The following PDE4D variants were observed in gnomAD, a reference collection of about 807,000 sequenced individuals.
PDE4D encodes phosphodiesterase 4D.
In PDE4D, 24 loss-of-function variants were observed where a neutral mutation model predicts 87.4. That is an observed-to-expected ratio of 0.27 (90% confidence interval 0.20 to 0.39). The LOEUF is 0.39. Among genes scored for constraint, PDE4D ranks in the 10% least tolerant of loss-of-function variants. PDE4D has a pLI of 1.00. For synonymous variants in PDE4D, 384 were observed against 383.2 expected, an observed-to-expected ratio of 1.00 and a Z score of -0.02; for missense variants, 714 against 1,041.0, an observed-to-expected ratio of 0.69 and a Z score of 4.32.
At chr5:59,765,283 T>A (rs562046412) in intron 1 of PDE4D, among the ~76,000 whole-genome samples, 4 of 152,330 alleles carry the variant, frequency 2.6e-5, no homozygotes, top group African/African-American at 7.2e-5. Context: ...CAGAAGTGCT[T>A]CTGTATAATC....
chr5:59,333,205 A>G (rs1479854597), intron 1 of PDE4D, among the ~76,000 whole-genome samples: 2 of 152,166 alleles, frequency 1.3e-5, no homozygotes, highest in African/African-American at 4.8e-5. Context: ...AAGGAGGCAA[A>G]AGAGAATGAG....
chr5:60,116,644 T>A (rs1269100943), intron 2 of PDE4D, among the ~76,000 whole-genome samples: 2 of 152,052 alleles, frequency 1.3e-5, no homozygotes, highest in Admixed American at 1.3e-4. Flanking sequence ...TATTTCTTTA[T>A]GGGAAAATTC....
At chr5:59,393,081 G>A (rs1788565412) in intron 1 of PDE4D, among the ~76,000 whole-genome samples, 1 of 152,058 alleles carries the variant, frequency 6.6e-6, no homozygotes, top group Non-Finnish European at 1.5e-5. Flanking sequence ...TTTCTAGACT[G>A]GATAATTAGG....
At chr5:60,499,936 T>C (rs1749991177) in intron 1 of PDE4D, among the ~76,000 whole-genome samples, 1 of 152,250 alleles carries the variant, frequency 6.6e-6, no homozygotes, top group Non-Finnish European at 1.5e-5. Flanking sequence ...TTAATTGGTT[T>C]TGTTTCTTGA....
intron 1 of PDE4D, among the ~76,000 whole-genome samples, chr5:59,826,021 G>T (rs540524612): frequency 6.6e-6 from 1 of 152,168 alleles, no homozygotes; most frequent in Non-Finnish European, 1.5e-5. Context: ...TGAACCAAGG[G>T]ATGTCAAATT....
intron 1 of PDE4D, among the ~76,000 whole-genome samples, chr5:59,635,530 G>A (rs1832128500): frequency 1.3e-5 from 2 of 152,166 alleles, no homozygotes; most frequent in Non-Finnish European, 2.9e-5. Flanking sequence ...GCATTAAAAA[G>A]CTTATCCACC....
intron 2 of PDE4D, among the ~76,000 whole-genome samples, chr5:60,177,434 A>G (rs1162760985): frequency 3.3e-5 from 5 of 152,200 alleles, no homozygotes; most frequent in African/African-American, 1.2e-4. Context: ...GCAGCAAAAA[A>G]TTTAAATAAT....
intron 2 of PDE4D, among the ~76,000 whole-genome samples, chr5:60,114,122 C>T (rs1377622661): frequency 1.3e-5 from 2 of 152,094 alleles, no homozygotes; most frequent in Non-Finnish European, 2.9e-5. Context: ...CCACCCGATT[C>T]GGTGAATCTC....
At chr5:59,665,090 T>G (rs1209009221) in intron 1 of PDE4D, among the ~76,000 whole-genome samples, 1 of 152,220 alleles carries the variant, frequency 6.6e-6, no homozygotes, top group Non-Finnish European at 1.5e-5. Flanking sequence ...CAAATAAAGT[T>G]GCAATGTCTC....
intron 11 of PDE4D, among the ~76,000 whole-genome samples, chr5:58,984,334 C>T (rs1745920661): frequency 6.6e-6 from 1 of 152,210 alleles, no homozygotes; most frequent in African/African-American, 2.4e-5. Flanking sequence ...TATGCTCCAC[C>T]TTTTCTAGCA....
rs79722472 is a variant in PDE4D, at chr5:59,405,984, T to C, written c.456-190016A>G. 8.6e-3 allele frequency among the ~76,000 whole-genome samples: 1,317 copies of C among 152,286 alleles called. 24 individuals are homozygous for C. The highest frequency in any genetic ancestry group is 0.03 in the African/African-American group (1,260 of 41,546). ...AATGTTCATTGGGAGTATTGGCCTG[T>C]AGTTTTCTGTTTGCAATGTGCCTTT... is the stretch of plus-strand genomic sequence containing the variant. On this transcript the variant is annotated intron_variant, in intron 1 of 14. Coordinates refer to ENST00000340635, the MANE Select transcript of PDE4D (RefSeq NM_001104631.2).
At chr5:59,625,937 A>C (rs965077751) in intron 1 of PDE4D, among the ~76,000 whole-genome samples, 5 of 152,006 alleles carry the variant, frequency 3.3e-5, no homozygotes, top group African/African-American at 1.2e-4. Context: ...AAATACAAAA[A>C]ATTGGCCAGG....
chr5:59,893,358 C>G lies in PDE4D; in HGVS notation c.265G>C (p.Gly89Arg), dbSNP rs1249600634. The G allele has an allele frequency of 3.2e-6, 4 of 1,254,508 alleles. No homozygotes were observed. The highest frequency in any genetic ancestry group is 4.3e-5 in the Admixed American group (1 of 23,260). The allele number at this position is 1,254,508 out of a possible 1,614,324, so 77.7% of individuals were successfully genotyped here. A position where few individuals can be genotyped will look rare whatever the true frequency, so the allele number is the denominator to read the frequency against. Residue 89 changes from glycine to arginine, a missense_variant, in exon 1 of 15, where the codon GGG becomes CGG. Gly to Arg is a moderately radical substitution (Grantham distance 125). Transcript: ENST00000340635. ...GAGGCGTAGCGGCCGCGGGCAGCCC[C>G]GGGCGGCGGCGGGGGCGGCGGCAGG... ...PPLPPPPPPP[G>R]AARGRYASSG...
chr5:59,837,001 A>G (rs1742223002), intron 1 of PDE4D, among the ~76,000 whole-genome samples: 1 of 151,904 alleles, frequency 6.6e-6, no homozygotes, highest in Non-Finnish European at 1.5e-5. Context: ...GGCATCTTGG[A>G]AAATATTCAC....
chr5:60,234,980 C>T (rs1473486260), intron 1 of PDE4D, among the ~76,000 whole-genome samples: 1 of 151,756 alleles, frequency 6.6e-6, no homozygotes, highest in Admixed American at 6.6e-5. Flanking sequence ...CTCAAAATGC[C>T]TTCTGTCATG....
intron 1 of PDE4D, among the ~76,000 whole-genome samples, chr5:59,234,673 T>C (rs1755978802): frequency 6.6e-6 from 1 of 152,190 alleles, no homozygotes; most frequent in Non-Finnish European, 1.5e-5. Context: ...ATGTAGTTAC[T>C]TTTACAGAAA....
chr5:59,640,770 A>G (rs961278115), intron 1 of PDE4D, among the ~76,000 whole-genome samples: 6 of 152,212 alleles, frequency 3.9e-5, no homozygotes, highest in African/African-American at 1.2e-4. Flanking sequence ...AACCTCATTC[A>G]ATTGTCACCT....
intron 1 of PDE4D, among the ~76,000 whole-genome samples, chr5:59,598,413 A>G (rs1225511070): frequency 6.6e-6 from 1 of 152,178 alleles, no homozygotes; most frequent in Non-Finnish European, 1.5e-5. Flanking sequence ...TGTTGTCAGA[A>G]TCCTCAGCAC....
At chr5:59,195,265 C>T (rs991345201) in intron 2 of PDE4D, among the ~76,000 whole-genome samples, 11 of 151,742 alleles carry the variant, frequency 7.2e-5, no homozygotes, top group Non-Finnish European at 1.5e-4. Flanking sequence ...TTTACCTTGA[C>T]TCTCAAAAAA....
Sources: gnomAD v4.1 joint callset for allele counts (sites outside exome capture counted in the v4.1 genomes callset) on GRCh38, gnomAD v4.1.1 for gene constraint, MANE v1.5 for transcripts, NCBI Gene and HGNC (gene_info 2026-07-23, HGNC 2026-07-21) for gene names.